Variants in RBFOX1 observed in about 807,000 individuals in gnomAD.
RBFOX1 encodes the protein RNA binding fox-1 homolog 1.
RBFOX1 carries 8 observed loss-of-function variants against 57.7 expected under a neutral mutation model. The observed-to-expected ratio is 0.14, with a 90% CI of 0.08 to 0.25. The LOEUF (loss-of-function observed/expected upper bound fraction) is 0.25. Among genes scored for constraint, RBFOX1 ranks in the 10% least tolerant of loss-of-function variants. The pLI, the probability that RBFOX1 is intolerant of heterozygous loss-of-function variation, is 1.00. For synonymous variants in RBFOX1, 326 were observed against 222.4 expected (o/e 1.47, Z -4.15); for missense variants, 611 against 548.5 (o/e 1.11, Z -1.14).
intron 2 of RBFOX1, among the ~76,000 whole-genome samples, chr16:6,510,118 T>A (rs563008481): frequency 7.9e-5 from 12 of 152,302 alleles, no homozygotes; most frequent in South Asian, 2.1e-4. Flanking sequence ...TCCTCTATCC[T>A]GAGCTCTTTG....
chr16:7,666,529 A>G (rs1057185848), intron 13 of RBFOX1, among the ~76,000 whole-genome samples: 4 of 152,170 alleles, frequency 2.6e-5, no homozygotes, highest in African/African-American at 9.7e-5. Context: ...TTATGCAGAT[A>G]TCAAATTGGT....
At chr16:7,353,138 A>G (rs969578747) in intron 4 of RBFOX1, among the ~76,000 whole-genome samples, 1 of 152,200 alleles carries the variant, frequency 6.6e-6, no homozygotes, top group African/African-American at 2.4e-5. Flanking sequence ...TGTATAGCTA[A>G]TATTTTCTTT....
chr16:7,357,140 G>T (rs936283875), intron 4 of RBFOX1, among the ~76,000 whole-genome samples: 4 of 152,050 alleles, frequency 2.6e-5, no homozygotes, highest in African/African-American at 7.3e-5. Context: ...TGCTCGAGGT[G>T]CTGGGGCTAG....
chr16:7,062,504 C>G lies in RBFOX1; in HGVS notation c.27+10406C>G, dbSNP rs191478673. Among the ~76,000 whole-genome samples the G allele has an allele frequency of 9.9e-5, 15 of 152,144 alleles. 1 individual carries two copies. In the East Asian group the frequency reaches 2.5e-3, roughly 26 times the overall value. On this transcript the variant is annotated intron_variant, in intron 4 of 15. Coordinates refer to ENST00000550418, the MANE Select transcript of RBFOX1 (RefSeq NM_018723.4). ...GTATATGCTTCCTTGTTGTCTGCAT[C>G]CAACAGACATTTCTGCCTATGGTAG...
At chr16:7,084,435 A>G (rs923901808) in intron 4 of RBFOX1, among the ~76,000 whole-genome samples, 3 of 152,140 alleles carry the variant, frequency 2.0e-5, no homozygotes, top group Admixed American at 1.3e-4. Context: ...GAAAATGTGA[A>G]TTTGCATGGA....
chr16:6,735,251 G>A (rs887920468), intron 3 of RBFOX1, among the ~76,000 whole-genome samples: 3 of 152,146 alleles, frequency 2.0e-5, no homozygotes, highest in Admixed American at 1.3e-4. Flanking sequence ...GGTATGGTTT[G>A]GGAGTTAAGT....
At chr16:5,753,226 T>C (rs2053274109) in intron 3 of RBFOX1, among the ~76,000 whole-genome samples, 1 of 152,090 alleles carries the variant, frequency 6.6e-6, no homozygotes, top group Non-Finnish European at 1.5e-5. Flanking sequence ...ATGGTCCTTT[T>C]TGATGTAGCT....
At chr16:6,262,973 G>A (rs1253794044) in intron 1 of RBFOX1, among the ~76,000 whole-genome samples, 1 of 152,172 alleles carries the variant, frequency 6.6e-6, no homozygotes, top group Non-Finnish European at 1.5e-5. Context: ...GGAGTAGACA[G>A]GGAAGGCCAC....
chr16:6,754,194 T>C (rs2075411264), intron 3 of RBFOX1, among the ~76,000 whole-genome samples: 1 of 152,200 alleles, frequency 6.6e-6, no homozygotes, highest in Non-Finnish European at 1.5e-5. Context: ...CTCAGGCAGC[T>C]ACAGCTAGGA....
intron 3 of RBFOX1, among the ~76,000 whole-genome samples, chr16:5,812,114 C>T (rs2055453563): frequency 1.3e-5 from 2 of 152,196 alleles, no homozygotes; most frequent in South Asian, 4.1e-4. Flanking sequence ...TCCCATGTAA[C>T]AGTGTTTGGT....
intron 3 of RBFOX1, among the ~76,000 whole-genome samples, chr16:5,695,889 C>T (rs898223981): frequency 6.6e-6 from 1 of 152,234 alleles, no homozygotes; most frequent in East Asian, 1.9e-4. Flanking sequence ...ATGTGTGGAT[C>T]AGAACATCAT....
intron 13 of RBFOX1, among the ~76,000 whole-genome samples, chr16:7,668,867 G>A (rs1381764153): frequency 2.0e-5 from 3 of 152,082 alleles, no homozygotes; most frequent in Non-Finnish European, 4.4e-5. Context: ...AAGGACTAAG[G>A]TTCTTAGATC....
chr16:6,517,811 C>T (rs76526913), intron 2 of RBFOX1, among the ~76,000 whole-genome samples: 13,376 of 152,166 alleles, frequency 0.088, 703 homozygotes, highest in Middle Eastern at 0.13. Flanking sequence ...TTCTTCCATT[C>T]GTTATTTTAT....
At chr16:6,616,768 C>G (rs190814533) in intron 2 of RBFOX1, among the ~76,000 whole-genome samples, 32 of 152,292 alleles carry the variant, frequency 2.1e-4, no homozygotes, top group African/African-American at 7.2e-4. Flanking sequence ...AAAGGCAGGG[C>G]TTTTCTGACA....
chr16:6,632,201 T>G (rs1211051751), intron 2 of RBFOX1, among the ~76,000 whole-genome samples: 2 of 152,160 alleles, frequency 1.3e-5, no homozygotes, highest in Non-Finnish European at 2.9e-5. Flanking sequence ...ATCGGGTTTC[T>G]TTAGAAGGAA....
chr16:7,484,276 T>G (rs547973965), intron 4 of RBFOX1, among the ~76,000 whole-genome samples: 5 of 152,218 alleles, frequency 3.3e-5, no homozygotes, highest in Non-Finnish European at 7.3e-5. Context: ...TTTTGGCTAT[T>G]AAGAATGCTG....
intron 4 of RBFOX1, among the ~76,000 whole-genome samples, chr16:5,967,102 C>T (rs2152294602): frequency 6.7e-6 from 1 of 149,776 alleles, no homozygotes; most frequent in African/African-American, 2.4e-5. Context: ...ACGGCTGCTT[C>T]TTCGAGTTAA....
At chr16:7,698,674 C>T (rs1490891417) in intron 14 of RBFOX1, among the ~76,000 whole-genome samples, 1 of 152,146 alleles carries the variant, frequency 6.6e-6, no homozygotes, top group African/African-American at 2.4e-5. Context: ...GATTATTCAG[C>T]AAAGTTGTCA....
chr16:6,567,016 T>C (rs545714815), intron 2 of RBFOX1, among the ~76,000 whole-genome samples: 1 of 152,324 alleles, frequency 6.6e-6, no homozygotes, highest in South Asian at 2.1e-4. Context: ...ATTGAAACAT[T>C]ATATTACACA....
Sources: gnomAD v4.1 joint callset for allele counts (sites outside exome capture counted in the v4.1 genomes callset) on GRCh38, gnomAD v4.1.1 for gene constraint, MANE v1.5 for transcripts, NCBI Gene and HGNC (gene_info 2026-07-23, HGNC 2026-07-21) for gene names.